RSRC1: variants seen among roughly 807,000 people sequenced by gnomAD.
The protein encoded by RSRC1 is arginine and serine rich coiled-coil 1.
In RSRC1, 39 loss-of-function variants were observed where a neutral mutation model predicts 49.1. The ratio of observed to expected loss-of-function variants is 0.79; its 90% CI spans 0.61 to 1.04. The LOEUF (loss-of-function observed/expected upper bound fraction) is 1.04. Among genes scored for constraint, RSRC1 ranks in the 50% least tolerant of loss-of-function variants. RSRC1 has a pLI of 0.00. For missense variants in RSRC1, 388 were observed against 402.4 expected, an observed-to-expected ratio of 0.96 and a Z score of 0.31; for synonymous variants, 143 against 130.8, an observed-to-expected ratio of 1.09 and a Z score of -0.63.
At chr3:158,187,644 G>A (rs910518525) in intron 3 of RSRC1, among the ~76,000 whole-genome samples, 3 of 151,994 alleles carry the variant, frequency 2.0e-5, no homozygotes, top group African/African-American at 7.2e-5. Context: ...GTCGATCCTG[G>A]TTTTACAGTT....
intron 3 of RSRC1, among the ~76,000 whole-genome samples, chr3:158,199,043 A>G (rs1720855259): frequency 1.3e-5 from 2 of 152,120 alleles, no homozygotes; most frequent in Middle Eastern, 3.2e-3. Flanking sequence ...GAGGGACCCC[A>G]TGGGAGATGA....
At chr3:158,389,168 T>A (rs1733139007) in intron 6 of RSRC1, among the ~76,000 whole-genome samples, 1 of 152,214 alleles carries the variant, frequency 6.6e-6, no homozygotes, top group Non-Finnish European at 1.5e-5. Flanking sequence ...GTTTTATTCT[T>A]CCAATACAGA....
At chr3:158,323,698 A>C (rs1254343543) in intron 5 of RSRC1, among the ~76,000 whole-genome samples, 1 of 152,226 alleles carries the variant, frequency 6.6e-6, no homozygotes, top group Non-Finnish European at 1.5e-5. Flanking sequence ...TAGATAAAGT[A>C]TTAAATAGCA....
intron 4 of RSRC1, among the ~76,000 whole-genome samples, chr3:158,224,812 A>C (rs1294560817): frequency 6.6e-6 from 1 of 151,888 alleles, no homozygotes; most frequent in African/African-American, 2.4e-5. Flanking sequence ...ACAAGCTATG[A>C]AATGTATGGT....
chr3:158,320,793 TC>T lies in RSRC1; in HGVS notation c.531+22721del, dbSNP rs1728713696. On this transcript the variant is annotated intron_variant, in intron 5 of 9. Transcript: ENST00000611884. ...AGAATGTTCTCCTTATTCTAGCCCTTCCCGTCACCCAGATCTATCCCTCTGA... is the reference window on the plus strand; with the variant it reads ...AGAATGTTCTCCTTATTCTAGCCCTTCCGTCACCCAGATCTATCCCTCTGA... 5.3e-5 allele frequency among the ~76,000 whole-genome samples: 8 copies of T among 152,236 alleles called. No homozygotes were observed. The South Asian group carries it at 1.7e-3, about 32-fold the overall frequency.
intron 3 of RSRC1, among the ~76,000 whole-genome samples, chr3:158,179,652 G>T (rs1559931523): frequency 6.6e-6 from 1 of 151,640 alleles, no homozygotes; most frequent in East Asian, 1.9e-4. Context: ...TCCATTGAAA[G>T]TTTTTTTTCA....
chr3:158,327,276 GT>G (rs1324137327), intron 5 of RSRC1, among the ~76,000 whole-genome samples: 5 of 151,932 alleles, frequency 3.3e-5, no homozygotes, highest in Non-Finnish European at 7.4e-5. Flanking sequence ...TTTCTGCTAG[GT>G]TTTGAATGTT....
At chr3:158,441,328 G>A (rs990395190) in intron 6 of RSRC1, among the ~76,000 whole-genome samples, 1 of 151,956 alleles carries the variant, frequency 6.6e-6, no homozygotes. Context: ...CTACTAAAAC[G>A]TTTTGAAGAT....
At chr3:158,526,825 A>G (rs906185864) in intron 7 of RSRC1, among the ~76,000 whole-genome samples, 16 of 151,972 alleles carry the variant, frequency 1.1e-4, no homozygotes, top group African/African-American at 3.9e-4. Context: ...TTAGGTATCC[A>G]TTTGCTTCTG....
At chr3:158,162,026 A>G (rs887664740) in intron 3 of RSRC1, among the ~76,000 whole-genome samples, 1 of 152,160 alleles carries the variant, frequency 6.6e-6, no homozygotes, top group East Asian at 1.9e-4. Context: ...GTGTTTAGCT[A>G]CGTGGTAGGG....
chr3:158,177,427 T>C (rs995430630), intron 3 of RSRC1, among the ~76,000 whole-genome samples: 8 of 152,088 alleles, frequency 5.3e-5, no homozygotes, highest in African/African-American at 1.7e-4. Context: ...ATTAAGAAAA[T>C]GTGGCACATA....
chr3:158,402,462 A>G (rs936577214), intron 6 of RSRC1, among the ~76,000 whole-genome samples: 3 of 151,836 alleles, frequency 2.0e-5, no homozygotes, highest in Non-Finnish European at 4.4e-5. Flanking sequence ...TTTTCTTTAA[A>G]TGGTTATTAT....
intron 4 of RSRC1, chr3:158,225,693 T>G (rs1461283198): frequency 2.2e-6 from 1 of 453,716 alleles, no homozygotes; most frequent in Non-Finnish European, 4.4e-6. Flanking sequence ...AAAAGAAACT[T>G]ACATCTAACA....
intron 6 of RSRC1, among the ~76,000 whole-genome samples, chr3:158,389,234 TA>T (rs1733142800): frequency 6.6e-6 from 1 of 152,218 alleles, no homozygotes; most frequent in Non-Finnish European, 1.5e-5. Flanking sequence ...TATTTTTCTG[TA>T]GTTTTACCAT....
At chr3:158,406,937 A>G (rs1734187466) in intron 6 of RSRC1, among the ~76,000 whole-genome samples, 1 of 152,032 alleles carries the variant, frequency 6.6e-6, no homozygotes, top group Admixed American at 6.6e-5. Flanking sequence ...TTTAAAGAAG[A>G]TCGATAGGGT....
chr3:158,369,793 A>C (rs1261012231), intron 6 of RSRC1, among the ~76,000 whole-genome samples: 2 of 152,068 alleles, frequency 1.3e-5, no homozygotes, highest in Non-Finnish European at 2.9e-5. Flanking sequence ...AATTTTGTTT[A>C]GCAAAACTAG....
chr3:158,310,348 G>T (rs1728060148), intron 5 of RSRC1, among the ~76,000 whole-genome samples: 1 of 151,664 alleles, frequency 6.6e-6, no homozygotes, highest in Non-Finnish European at 1.5e-5. Context: ...TTTGGGGAAG[G>T]CTCTTTTAGA....
At chr3:158,190,773 A>T (rs920465228) in intron 3 of RSRC1, among the ~76,000 whole-genome samples, 5 of 151,714 alleles carry the variant, frequency 3.3e-5, no homozygotes, top group African/African-American at 1.2e-4. Flanking sequence ...CTTTGTATGG[A>T]TGTTGGATTC....
At chr3:158,330,519 C>T (rs931068844) in intron 5 of RSRC1, among the ~76,000 whole-genome samples, 1 of 152,032 alleles carries the variant, frequency 6.6e-6, no homozygotes, top group East Asian at 1.9e-4. Flanking sequence ...ATTTTGGACA[C>T]CTTTTCGTGT....
Sources: gnomAD v4.1 joint callset for allele counts (sites outside exome capture counted in the v4.1 genomes callset) on GRCh38, gnomAD v4.1.1 for gene constraint, MANE v1.5 for transcripts, NCBI Gene and HGNC (gene_info 2026-07-23, HGNC 2026-07-21) for gene names.